SFXN2: variants seen among roughly 807,000 people sequenced by gnomAD.
SFXN2 encodes the protein sideroflexin 2.
Under a neutral mutation model 41.9 loss-of-function variants are expected in SFXN2, and 37 were observed. That is an observed-to-expected ratio of 0.88 (90% CI 0.68 to 1.16). SFXN2 has a LOEUF of 1.16. Among genes scored for constraint, SFXN2 ranks in the 50% most tolerant of loss-of-function variants. The probability of loss-of-function intolerance (pLI) is 0.00; values close to 1 mark genes in which losing one functional copy is unlikely to be tolerated. For synonymous variants in SFXN2, 150 were observed against 156.7 expected, an observed-to-expected ratio of 0.96 and a Z score of 0.32; for missense variants, 386 against 425.2, an observed-to-expected ratio of 0.91 and a Z score of 0.81.
rs1269138840 is a variant in SFXN2, at chr10:102,739,757, C to CA, written c.*2001dup. The CA allele has an allele frequency of 6.6e-6, 1 of 152,010 alleles. No individual in the cohort carries two copies. The highest frequency in any genetic ancestry group is 6.6e-5 in the Admixed American group (1 of 15,238). The allele number at this position is 152,010 out of a possible 1,614,324, so 9.4% of individuals were successfully genotyped here. The stretch of plus-strand genomic sequence containing the variant: ...TGAAACCCGATCTCTACTAAAAATA[C>CA]AAAAAATTTGCTGGGTGTGGTGGCA... On this transcript the variant is annotated 3_prime_UTR_variant, in exon 12 of 12. Transcript: ENST00000369893.
rs2064810872 is a variant in SFXN2 at position 102,738,538 on chromosome 10, C to A, written c.*776C>A. 1 of 152,112 alleles carries A rather than the reference C, an allele frequency of 6.6e-6. No individual in the cohort carries two copies. The highest frequency in any genetic ancestry group is 2.4e-5 in the African/African-American group (1 of 41,424). The allele number at this position is 152,112 out of a possible 1,614,324, so 9.4% of individuals were successfully genotyped here. ...TCTCGAACTCCTGACCTCAGGTGAT[C>A]CGCCCGCCTCAGCCTCTGAAATTGC... is the stretch of plus-strand genomic sequence containing the variant. On this transcript the variant is annotated 3_prime_UTR_variant, in exon 12 of 12. Transcript: ENST00000369893.
At position 102,741,464 on chromosome 10, in the gene SFXN2, A is replaced by G. The variant is rs1842782417; in HGVS notation, c.*3702A>G. 1 of 152,288 alleles carries G rather than the reference A, an allele frequency of 6.6e-6. No homozygotes were observed. Among genetic ancestry groups the G allele is most frequent in the Admixed American group, 6.5e-5 (1 of 15,286 alleles). The allele number at this position is 152,288 out of a possible 1,614,324, so 9.4% of individuals were successfully genotyped here. On this transcript the variant is annotated 3_prime_UTR_variant, in exon 12 of 12. Transcript: ENST00000369893. ...GGAGAGGAGGAGGAAGGGAAGAAGAAGAGGTATAGAAGCTTCCTTTTGATC... is the reference window on the plus strand; with the variant it reads ...GGAGAGGAGGAGGAAGGGAAGAAGAGGAGGTATAGAAGCTTCCTTTTGATC...
At chr10:102,726,207 C>T (rs2064590301) in intron 1 of SFXN2, among the ~76,000 whole-genome samples, 1 of 152,208 alleles carries the variant, frequency 6.6e-6, no homozygotes, top group Non-Finnish European at 1.5e-5. Context: ...CTCGGCCTCC[C>T]AAAGTACTGG....
At chr10:102,721,067 G>A (rs142035933) in intron 1 of SFXN2, among the ~76,000 whole-genome samples, 8 of 152,222 alleles carry the variant, frequency 5.3e-5, no homozygotes, top group African/African-American at 1.7e-4. Flanking sequence ...GCCATTACCC[G>A]CGTTGCTCCC....
intron 1 of SFXN2, among the ~76,000 whole-genome samples, chr10:102,726,190 C>T (rs1470017886): frequency 6.6e-6 from 1 of 152,126 alleles, no homozygotes; most frequent in Non-Finnish European, 1.5e-5. Context: ...CCTCATGATC[C>T]CCCTGCCTCG....
In SFXN2 at chr10:102,732,850, C is replaced by A; in HGVS notation, c.722-9C>A. On this transcript the variant is annotated splice_polypyrimidine_tract_variant and intron_variant, in intron 8 of 11. Transcript: ENST00000369893. The stretch of plus-strand genomic sequence containing the variant: ...GCCCTCCCCTCAGCTTCTCCCTGGT[C>A]TCTTCCAGTCTTGCTGCCAGTCATC... 1 of 1,614,122 alleles carries A rather than the reference C, an allele frequency of 6.2e-7. No individual in the cohort carries two copies. Among genetic ancestry groups the A allele is most frequent in the Non-Finnish European group, 8.5e-7 (1 of 1,179,994 alleles).
intron 6 of SFXN2, among the ~76,000 whole-genome samples, chr10:102,730,101 C>T (rs2064679003): frequency 6.6e-6 from 1 of 152,072 alleles, no homozygotes; most frequent in African/African-American, 2.4e-5. Context: ...TCCTTTTGGA[C>T]CTGTGTTAAA....
chr10:102,726,679 T>G lies in SFXN2; in HGVS notation c.43T>G (p.Trp15Gly). 1.2e-6 allele frequency: 2 copies of G among 1,614,178 alleles called. No homozygotes were observed. Among genetic ancestry groups the G allele is most frequent in the Non-Finnish European group, 1.7e-6 (2 of 1,180,028 alleles). The part of the protein sequence containing the change: ...LSGFNIDAPR[W>G]DQRTFLGRVK... ...TGGCTTTAACATCGATGCCCCCCGT[T>G]GGGACCAGCGCACCTTCCTGGGGAG... The change falls in exon 2 of 12, where the codon TGG becomes GGG. Residue 15 changes from tryptophan (W) to glycine (G), a missense_variant. Coordinates refer to ENST00000369893, the MANE Select transcript of SFXN2 (RefSeq NM_178858.6).
At chr10:102,736,013 A>G in intron 11 of SFXN2, 104 bp downstream of exon 11, 1 of 1,129,994 alleles carries the variant, frequency 8.8e-7, no homozygotes, top group Non-Finnish European at 1.3e-6. Context: ...CAGGAAGGGC[A>G]GCACCTGTCT....
At chr10:102,732,331 T>C (rs2064716861) in intron 8 of SFXN2, 113 bp downstream of exon 8, 2 of 837,438 alleles carry the variant, frequency 2.4e-6, no homozygotes, top group Non-Finnish European at 1.9e-6. Context: ...GCCATGCTTC[T>C]CAAACTGCTT....
intron 11 of SFXN2, 26 bp from the exon 12 acceptor site, chr10:102,737,637 C>G (rs1168868329): frequency 6.6e-7 from 1 of 1,512,186 alleles, no homozygotes; most frequent in Non-Finnish European, 9.2e-7. Context: ...TGGTGGCATG[C>G]TCATAATCCA....
intron 6 of SFXN2, among the ~76,000 whole-genome samples, chr10:102,731,435 A>G (rs561834392): frequency 6.6e-6 from 1 of 152,146 alleles, no homozygotes; most frequent in East Asian, 1.9e-4. Flanking sequence ...GATAAGCAAA[A>G]CTGAGGCTTT....
In SFXN2 at chr10:102,742,547, C is replaced by T. The variant is rs1304455408; in HGVS notation, c.*4785C>T. 2 of 151,724 alleles carry T rather than the reference C, an allele frequency of 1.3e-5. No homozygotes were observed. Among genetic ancestry groups the T allele is most frequent in the Non-Finnish European group, 2.9e-5 (2 of 68,130 alleles). The allele number at this position is 151,724 out of a possible 1,614,324, so 9.4% of individuals were successfully genotyped here. A position where few individuals can be genotyped will look rare whatever the true frequency, so the allele number is the denominator to read the frequency against. On this transcript the variant is annotated 3_prime_UTR_variant, in exon 12 of 12. Transcript: ENST00000369893. ...CAAGGCTCATTGCAGCTTCAATCTC[C>T]CTAGCTCTGGTGATTGTCCCACCTC...
At chr10:102,727,479 C>A (rs1474196443) in intron 3 of SFXN2, among the ~76,000 whole-genome samples, 1 of 152,044 alleles carries the variant, frequency 6.6e-6, no homozygotes, top group Non-Finnish European at 1.5e-5. Flanking sequence ...ATAAGCTACC[C>A]CAATTCCCTC....
intron 1 of SFXN2, among the ~76,000 whole-genome samples, chr10:102,720,900 G>A (rs2064499283): frequency 6.6e-6 from 1 of 152,192 alleles, no homozygotes; most frequent in Non-Finnish European, 1.5e-5. Context: ...AGGTGCTGCT[G>A]TGAGGGGATT....
intron 1 of SFXN2, among the ~76,000 whole-genome samples, chr10:102,721,500 ATTT>A (rs2064507880): frequency 6.8e-6 from 1 of 147,190 alleles, no homozygotes; most frequent in South Asian, 2.1e-4. Flanking sequence ...TTTATATATT[ATTT>A]TTATATGTTA....
chr10:102,730,325 G>A (rs897222584), intron 6 of SFXN2, among the ~76,000 whole-genome samples: 1 of 152,172 alleles, frequency 6.6e-6, no homozygotes, highest in Non-Finnish European at 1.5e-5. Flanking sequence ...CTTGACTAGA[G>A]AAATCTCTGT....
Position 102,732,263 on chromosome 10 carries a change from G to A in SFXN2, c.721+45G>A, listed in dbSNP as rs201708322. ...CCATCCTGGGGAAGCCTGTGACACAGGGTGGAGGTCTCAGCCACACTCAGC... is the reference window on the plus strand; with the variant it reads ...CCATCCTGGGGAAGCCTGTGACACAAGGTGGAGGTCTCAGCCACACTCAGC... On this transcript the variant is annotated intron_variant, in intron 8 of 11. Transcript: ENST00000369893. The A allele has an allele frequency of 1.8e-5, 28 of 1,574,986 alleles. No homozygotes were observed. In the African/African-American group the frequency reaches 2.8e-4, roughly 16 times the overall value.
chr10:102,718,646 T>C (rs1385077616), intron 1 of SFXN2, among the ~76,000 whole-genome samples: 2 of 152,356 alleles, frequency 1.3e-5, no homozygotes, highest in African/African-American at 2.4e-5. Flanking sequence ...ATACTCCATA[T>C]TGAGCCTCTC....
Sources: allele counts gnomAD v4.1 joint callset (sites outside exome capture counted in the v4.1 genomes callset), GRCh38; gene constraint gnomAD v4.1.1; transcripts MANE v1.5; gene names NCBI Gene and HGNC (gene_info 2026-07-23, HGNC 2026-07-21).